CLSTN2: variants seen among roughly 807,000 people sequenced by gnomAD.
CLSTN2 encodes calsyntenin 2.
In CLSTN2, 48 loss-of-function variants were observed where a neutral mutation model predicts 101.2. The ratio of observed to expected loss-of-function variants is 0.47; its 90% CI spans 0.38 to 0.60. The LOEUF (loss-of-function observed/expected upper bound fraction) is 0.60, where lower values mean the gene tolerates loss of function less well. CLSTN2 is among the 20% of genes least tolerant of loss of function. The pLI is 0.00. For synonymous variants in CLSTN2, 481 were observed against 463.6 expected (o/e 1.04, Z -0.48); for missense variants, 1,160 against 1,238.2 (o/e 0.94, Z 0.95).
At chr3:140,520,361 T>A (rs1934999698) in intron 8 of CLSTN2, among the ~76,000 whole-genome samples, 1 of 152,232 alleles carries the variant, frequency 6.6e-6, no homozygotes, top group South Asian at 2.1e-4. Flanking sequence ...CCATTCCACA[T>A]TGCTGGGAAG....
At chr3:140,054,244 T>A (rs370503338) in intron 1 of CLSTN2, among the ~76,000 whole-genome samples, 23 of 152,130 alleles carry the variant, frequency 1.5e-4, no homozygotes, top group East Asian at 3.9e-4. Context: ...TGGGCATTTA[T>A]CAAGTACCTT....
intron 2 of CLSTN2, among the ~76,000 whole-genome samples, chr3:140,204,802 C>G (rs2010759089): frequency 6.6e-6 from 1 of 152,214 alleles, no homozygotes; most frequent in African/African-American, 2.4e-5. Flanking sequence ...CCCCTGGTTA[C>G]TGCCACCACA....
In CLSTN2 at chr3:140,427,242, T is replaced by TAC. The variant is rs1433071230; in HGVS notation, c.787+5969_787+5970insCA. ...ATATATATGTGTGTATATATATATA[T>TAC]ATACATATATATATACATAAATTAA... On this transcript the variant is annotated intron_variant, in intron 5 of 16. Transcript: ENST00000458420. 3.1e-4 allele frequency among the ~76,000 whole-genome samples: 40 copies of TAC among 127,372 alleles called. 1 individual carries two copies. In the South Asian group the frequency reaches 3.6e-3, roughly 11 times the overall value. 83.6% of individuals were successfully genotyped at this position (127,372 alleles called of 152,430 possible).
intron 1 of CLSTN2, among the ~76,000 whole-genome samples, chr3:140,125,410 G>A (rs899935794): frequency 6.6e-5 from 10 of 152,118 alleles, no homozygotes; most frequent in African/African-American, 2.4e-4. Context: ...AGCCGGGTGG[G>A]CATGGGGAGG....
rs554565675 is a variant in CLSTN2, at chr3:140,447,109, C to G, written c.788-1410C>G. ...CTGAGTAGCCTTCTGGTAACTGCAG[C>G]CTGATACTGAGTCCCACAATGCAGG... is the stretch of plus-strand genomic sequence containing the variant. On this transcript the variant is annotated intron_variant, in intron 5 of 16. Transcript: ENST00000458420. 4.6e-5 allele frequency among the ~76,000 whole-genome samples: 7 copies of G among 152,344 alleles called. No individual in the cohort carries two copies. In the South Asian group the frequency reaches 1.5e-3, roughly 32 times the overall value.
intron 2 of CLSTN2, among the ~76,000 whole-genome samples, chr3:140,362,529 C>A (rs925684267): frequency 2.6e-5 from 4 of 151,980 alleles, no homozygotes; most frequent in Non-Finnish European, 5.9e-5. Flanking sequence ...AAAAGATAAA[C>A]AACAGACTTG....
rs1332732902 is a variant in CLSTN2 at position 140,568,099 on chromosome 3, A to G, written c.*1846A>G. The G allele has an allele frequency of 6.6e-6, 1 of 152,232 alleles. No homozygotes were observed. The highest frequency in any genetic ancestry group is 1.5e-5 in the Non-Finnish European group (1 of 68,038). 9.4% of individuals were successfully genotyped at this position (152,232 alleles called of 1,614,324 possible). Reference sequence around the variant, plus strand: ...TCAATGTCTTGTTCAGAGTCATTCAAAAGTATAGACAAGACCAGTCTCCCC... The same window carrying G: ...TCAATGTCTTGTTCAGAGTCATTCAGAAGTATAGACAAGACCAGTCTCCCC... On this transcript the variant is annotated 3_prime_UTR_variant, in exon 17 of 17. Coordinates refer to ENST00000458420, the MANE Select transcript of CLSTN2 (RefSeq NM_022131.3).
chr3:140,393,448 T>C (rs2088142360), intron 2 of CLSTN2, among the ~76,000 whole-genome samples: 1 of 152,238 alleles, frequency 6.6e-6, no homozygotes, highest in African/African-American at 2.4e-5. Context: ...GTGTAGCTTC[T>C]GTTTCTGAAA....
intron 9 of CLSTN2, among the ~76,000 whole-genome samples, chr3:140,541,762 C>T (rs1048895490): frequency 9.2e-5 from 14 of 152,176 alleles, no homozygotes; most frequent in African/African-American, 2.9e-4. Context: ...ACACACCCAC[C>T]TCCATGTCTA....
chr3:140,421,028 C>T, intron 4 of CLSTN2, 97 bp from the exon 5 acceptor site: 1 of 1,248,234 alleles, frequency 8.0e-7, no homozygotes, highest in Non-Finnish European at 1.1e-6. Flanking sequence ...GGGTCACTTT[C>T]TTCCTGTGAA....
intron 5 of CLSTN2, among the ~76,000 whole-genome samples, chr3:140,434,003 G>A (rs753183800): frequency 1.2e-4 from 18 of 152,302 alleles, no homozygotes; most frequent in Admixed American, 3.9e-4. Flanking sequence ...TTAAATGGTG[G>A]CTTCCTTCCT....
intron 5 of CLSTN2, among the ~76,000 whole-genome samples, chr3:140,438,431 TAAA>T (rs60186664): frequency 8.8e-5 from 4 of 45,670 alleles, no homozygotes; most frequent in African/African-American, 1.3e-4. Context: ...GTCCTTTCAT[TAAA>T]AAAAAAAAAA....
At position 140,308,493 on chromosome 3, in the gene CLSTN2, A is replaced by G. The variant is rs1029941395; in HGVS notation, c.233-95136A>G. Among the ~76,000 whole-genome samples, 21 of 152,372 alleles carry G rather than the reference A, an allele frequency of 1.4e-4. No individual in the cohort carries two copies. The East Asian group carries it at 4.0e-3, about 29-fold the overall frequency. On this transcript the variant is annotated intron_variant, in intron 2 of 16. Transcript: ENST00000458420. ...CCTGATAAATAAATGTGTGGTGTTTATGGAGGAATCTGCATCTCCTTTGGG... is the reference window on the plus strand; with the variant it reads ...CCTGATAAATAAATGTGTGGTGTTTGTGGAGGAATCTGCATCTCCTTTGGG...
intron 2 of CLSTN2, among the ~76,000 whole-genome samples, chr3:140,273,822 TGTA>T (rs2086767279): frequency 6.6e-6 from 1 of 152,186 alleles, no homozygotes; most frequent in African/African-American, 2.4e-5. Flanking sequence ...GAAGGCACTT[TGTA>T]GTTGATCAGT....
In CLSTN2 at chr3:140,563,190, C is replaced by G; in HGVS notation, c.2469C>G (p.Ile823Met). ...ATCATCCTGAGTCCCGGAGTAGCATCCAGCACAGTTCAGGTAGGGTGCCCA... is the reference window on the plus strand; with the variant it reads ...ATCATCCTGAGTCCCGGAGTAGCATGCAGCACAGTTCAGGTAGGGTGCCCA... Reference protein sequence around the residue: ...SVHHPESRSSIQHSSVVPSIA... With the variant: ...SVHHPESRSSMQHSSVVPSIA... The change falls in exon 15 of 17, where the codon ATC (isoleucine) becomes ATG (methionine). Residue 823 changes from isoleucine to methionine, a missense_variant. Ile to Met is a conservative substitution (Grantham distance 10). Coordinates refer to ENST00000458420, the MANE Select transcript of CLSTN2 (RefSeq NM_022131.3). 6.2e-7 allele frequency: 1 copy of G among 1,614,030 alleles called. No homozygotes were observed. The highest frequency in any genetic ancestry group is 1.1e-5 in the South Asian group (1 of 91,058).
rs1439860334 is a variant in CLSTN2 at position 140,562,854 on chromosome 3, C to T, written c.2256C>T (p.Ile752=). ...GCTATGAGCAGGTGCTACATCACAT[C>T]CGCTACCGCAACTGGCGTCCGGCTT... ...MSRYEQVLHH[I]RYRNWRPASL... is the part of the protein sequence containing the mutation. Residue 752 remains isoleucine (I), a synonymous_variant, in exon 14 of 17, where the codon ATC becomes ATT. Coordinates refer to ENST00000458420, the MANE Select transcript of CLSTN2 (RefSeq NM_022131.3). 1.9e-6 allele frequency: 3 copies of T among 1,614,024 alleles called. No homozygotes were observed. In the African/African-American group the frequency reaches 4.0e-5, roughly 22 times the overall value.
chr3:140,501,707 C>CT (rs1934580570), intron 8 of CLSTN2, among the ~76,000 whole-genome samples: 1 of 152,242 alleles, frequency 6.6e-6, no homozygotes, highest in Admixed American at 6.5e-5. Context: ...CACAGACACT[C>CT]TATCTAAATT....
chr3:140,120,355 G>T (rs554447525), intron 1 of CLSTN2, among the ~76,000 whole-genome samples: 74 of 152,292 alleles, frequency 4.9e-4, no homozygotes, highest in African/African-American at 1.7e-3. Context: ...AACATGTAGA[G>T]TGAGGTATGG....
chr3:140,493,157 T>G (rs1264998787), intron 8 of CLSTN2, among the ~76,000 whole-genome samples: 2 of 152,232 alleles, frequency 1.3e-5, no homozygotes, highest in African/African-American at 4.8e-5. Context: ...CCCATTGCCT[T>G]CCTGGCTGGG....
Sources: gnomAD v4.1 joint callset for allele counts (sites outside exome capture counted in the v4.1 genomes callset) on GRCh38, gnomAD v4.1.1 for gene constraint, MANE v1.5 for transcripts, NCBI Gene and HGNC (gene_info 2026-07-23, HGNC 2026-07-21) for gene names.